Variants in PTPRD observed in about 807,000 individuals in gnomAD.
The protein encoded by PTPRD is receptor-type tyrosine-protein phosphatase delta.
A neutral mutation model predicts 214.5 loss-of-function variants in PTPRD; 34 were observed. That is an observed-to-expected ratio of 0.16 (90% CI 0.12 to 0.21). The LOEUF is 0.21. PTPRD is among the 10% of genes least tolerant of loss of function. The probability of loss-of-function intolerance (pLI) is 1.00; values close to 1 mark genes in which losing one functional copy is unlikely to be tolerated. For synonymous variants in PTPRD, 1,128 were observed against 845.7 expected (o/e 1.33, Z -5.79); for missense variants, 2,545 against 2,398.7 (o/e 1.06, Z -1.27).
At chr9:9,096,488 G>A (rs1008646220) in intron 10 of PTPRD, among the ~76,000 whole-genome samples, 1 of 152,038 alleles carries the variant, frequency 6.6e-6, no homozygotes. Flanking sequence ...ACATTTTTGT[G>A]TTCCATGACT....
intron 7 of PTPRD, among the ~76,000 whole-genome samples, chr9:9,682,052 T>C (rs2097084708): frequency 6.6e-6 from 1 of 151,828 alleles, no homozygotes. Context: ...CTCGTTAAAC[T>C]GCCAACTACA....
At chr9:10,273,424 C>G (rs780245551) in intron 3 of PTPRD, among the ~76,000 whole-genome samples, 77 of 151,810 alleles carry the variant, frequency 5.1e-4, no homozygotes, top group South Asian at 1.0e-3. Context: ...TTTCAGTGGC[C>G]AACTACATTA....
intron 11 of PTPRD, among the ~76,000 whole-genome samples, chr9:8,753,212 G>C (rs540995685): frequency 6.6e-6 from 1 of 152,242 alleles, no homozygotes; most frequent in South Asian, 2.1e-4. Flanking sequence ...ACATAGCTCA[G>C]GGACAGCAAA....
chr9:10,396,082 C>T (rs978202345), intron 2 of PTPRD, among the ~76,000 whole-genome samples: 4 of 151,762 alleles, frequency 2.6e-5, no homozygotes, highest in African/African-American at 9.7e-5. Flanking sequence ...CCTTCGTGAG[C>T]CTGAATGCAT....
At chr9:8,454,538 T>C in intron 33 of PTPRD, 1 of 1,610,008 alleles carries the variant, frequency 6.2e-7, no homozygotes, top group East Asian at 2.2e-5. Flanking sequence ...AGTTTATTTT[T>C]TTCTTACTGA....
At chr9:8,720,911 C>T (rs945739261) in intron 12 of PTPRD, among the ~76,000 whole-genome samples, 2 of 152,198 alleles carry the variant, frequency 1.3e-5, no homozygotes, top group South Asian at 2.1e-4. Flanking sequence ...ATTTTGAGCT[C>T]TCTTGCCTGC....
chr9:10,202,671 G>GACATAT (rs376695815), intron 3 of PTPRD, among the ~76,000 whole-genome samples: 5 of 113,128 alleles, frequency 4.4e-5, no homozygotes, highest in African/African-American at 1.4e-4. Context: ...AAATTATATG[G>GACATAT]ATATATATAT....
intron 11 of PTPRD, among the ~76,000 whole-genome samples, chr9:8,948,299 T>C (rs1588649511): frequency 6.9e-6 from 1 of 143,980 alleles, no homozygotes; most frequent in Admixed American, 7.5e-5. Context: ...ATTACCGGCG[T>C]GAGCCACCGC....
At chr9:9,503,115 C>A (rs1277104271) in intron 8 of PTPRD, among the ~76,000 whole-genome samples, 1 of 151,568 alleles carries the variant, frequency 6.6e-6, no homozygotes, top group Admixed American at 6.6e-5. Flanking sequence ...TAAATAAGGT[C>A]AAAGAAGGGA....
intron 14 of PTPRD, among the ~76,000 whole-genome samples, chr9:8,581,484 C>T (rs2093087010): frequency 6.6e-6 from 1 of 152,194 alleles, no homozygotes; most frequent in Non-Finnish European, 1.5e-5. Flanking sequence ...CGCAGTGGCT[C>T]ACGCCTGTAA....
At position 8,314,931 on chromosome 9, in the gene PTPRD, C is replaced by G. The variant is rs1820951479; in HGVS notation, c.*2943G>C. 4.3e-6 allele frequency: 1 copy of G among 232,430 alleles called. No homozygotes were observed. The highest frequency in any genetic ancestry group is 8.5e-6 in the Non-Finnish European group (1 of 117,218). 14.4% of individuals were successfully genotyped at this position (232,430 alleles called of 1,614,324 possible). On this transcript the variant is annotated 3_prime_UTR_variant, in exon 46 of 46. Coordinates refer to ENST00000381196, the MANE Select transcript of PTPRD (RefSeq NM_002839.4). ...CTGTCCTCGCCGTTTTCTAACCATG[C>G]AAATCATTTTTAAAAAAGAGCTAAA... is the stretch of plus-strand genomic sequence containing the variant.
At chr9:10,329,570 C>T (rs772217154) in intron 3 of PTPRD, among the ~76,000 whole-genome samples, 25 of 151,774 alleles carry the variant, frequency 1.6e-4, no homozygotes, top group Non-Finnish European at 3.5e-4. Context: ...TTAGAAACAA[C>T]TTAATCAGTA....
chr9:9,919,610 A>G (rs1018142855), intron 5 of PTPRD, among the ~76,000 whole-genome samples: 1 of 152,190 alleles, frequency 6.6e-6, no homozygotes, highest in Non-Finnish European at 1.5e-5. Flanking sequence ...GCCTGAATGC[A>G]GCAGATGGAA....
At chr9:10,512,288 G>C (rs912683439) in intron 2 of PTPRD, among the ~76,000 whole-genome samples, 2 of 151,996 alleles carry the variant, frequency 1.3e-5, no homozygotes, top group Admixed American at 6.6e-5. Flanking sequence ...GAAAGAGAGG[G>C]AGAGAGAATG....
At chr9:9,576,576 A>T (rs1019169311) in intron 7 of PTPRD, among the ~76,000 whole-genome samples, 7 of 152,184 alleles carry the variant, frequency 4.6e-5, no homozygotes, top group Non-Finnish European at 2.9e-5. Flanking sequence ...AATTAGAGTG[A>T]CCTTCTTTCT....
chr9:9,833,815 C>T (rs1033967086), intron 5 of PTPRD, among the ~76,000 whole-genome samples: 11 of 151,950 alleles, frequency 7.2e-5, no homozygotes, highest in Non-Finnish European at 1.5e-4. Flanking sequence ...CTGTTCTGCC[C>T]GGCTCACCGG....
chr9:9,899,149 C>G (rs2075776999), intron 5 of PTPRD, among the ~76,000 whole-genome samples: 2 of 151,788 alleles, frequency 1.3e-5, no homozygotes, highest in Admixed American at 1.3e-4. Context: ...ATAGTATACC[C>G]CAAGAAGAAG....
intron 9 of PTPRD, among the ~76,000 whole-genome samples, chr9:9,363,731 G>C (rs537030292): frequency 2.0e-5 from 3 of 151,240 alleles, no homozygotes; most frequent in Non-Finnish European, 3.0e-5. Context: ...TTCTCTAAGA[G>C]AGCTTTGTGA....
In PTPRD at chr9:10,612,930, G is replaced by C. The variant is rs148992296; in HGVS notation, c.-950C>G. 0.1 allele frequency among the ~76,000 whole-genome samples: 15,636 copies of C among 151,638 alleles called. 1,082 individuals carry two copies. Among genetic ancestry groups the C allele is most frequent in the Middle Eastern group, 0.16 (46 of 292 alleles). On this transcript the variant is annotated 5_prime_UTR_variant, in exon 1 of 46. Coordinates refer to ENST00000381196, the MANE Select transcript of PTPRD (RefSeq NM_002839.4). ...CCGCCGGCTGCGGGCGCGGCTGGGC[G>C]GGGAGCCGAGGCGGCCGCTCCCGCA...
Sources: allele counts gnomAD v4.1 joint callset (sites outside exome capture counted in the v4.1 genomes callset), GRCh38; gene constraint gnomAD v4.1.1; transcripts MANE v1.5; gene names NCBI Gene and HGNC (gene_info 2026-07-23, HGNC 2026-07-21).